EMILIN3: variants seen among roughly 807,000 people sequenced by gnomAD.
The protein encoded by EMILIN3 is EMILIN-3.
In EMILIN3, 38 loss-of-function variants were observed where a neutral mutation model predicts 42.8. The ratio of observed to expected loss-of-function variants is 0.89; its 90% CI spans 0.69 to 1.16. The LOEUF is 1.16. EMILIN3 is among the 50% of genes most tolerant of loss of function. The pLI is 0.00. For synonymous variants in EMILIN3, 430 were observed against 440.5 expected, an observed-to-expected ratio of 0.98 and a Z score of 0.30; for missense variants, 924 against 999.5, an observed-to-expected ratio of 0.92 and a Z score of 1.02.
chr20:41,363,408 T>TG (rs1022207959), intron 3 of EMILIN3, among the ~76,000 whole-genome samples: 86 of 152,364 alleles, frequency 5.6e-4, no homozygotes, highest in African/African-American at 2.0e-3. Context: ...CCCAAAGTGC[T>TG]GGGATTACAG....
intron 1 of EMILIN3, among the ~76,000 whole-genome samples, chr20:41,365,393 G>A (rs1234376088): frequency 1.3e-5 from 2 of 152,158 alleles, no homozygotes; most frequent in Non-Finnish European, 2.9e-5. Flanking sequence ...TTGGAACCAG[G>A]AGCCTGATGT....
In EMILIN3 at chr20:41,362,530, C is replaced by T. The variant is rs752376868; in HGVS notation, c.1039G>A (p.Ala347Thr). 1.4e-5 allele frequency: 23 copies of T among 1,598,304 alleles called. No homozygotes were observed. Among genetic ancestry groups the T allele is most frequent in the Admixed American group, 1.2e-4 (7 of 59,752 alleles). ...VRRQCEEGQA[A>T]SRRLHQSLDG... ...AGGCTCTGGTGCAGCCTCCGGCTGG[C>T]GGCCTGACCCTCCTCACATTGCCGC... Residue 347 changes from alanine to threonine, a missense_variant, in exon 4 of 4, where the codon GCC (alanine) becomes ACC (threonine). Coordinates refer to ENST00000332312, the MANE Select transcript of EMILIN3 (RefSeq NM_052846.2).
intron 2 of EMILIN3, 58 bp from the exon 3 acceptor site, chr20:41,363,919 C>G (rs776652614): frequency 6.4e-7 from 1 of 1,553,464 alleles, no homozygotes; most frequent in South Asian, 1.2e-5. Flanking sequence ...GCTTCTCCCC[C>G]TAGCTGGCAC....
In EMILIN3 at chr20:41,361,704, C is replaced by T. The variant is rs760956636; in HGVS notation, c.1865G>A (p.Arg622Gln). The change falls in exon 4 of 4, where the codon CGG (arginine) becomes CAG (glutamine). Residue 622 changes from arginine to glutamine, a missense_variant. Transcript: ENST00000332312. ...FLAANTSLDERERKVEAEVQA... is the reference protein window; with the variant it reads ...FLAANTSLDEQERKVEAEVQA... The stretch of plus-strand genomic sequence containing the variant: ...GACTTCGGCTTCCACCTTGCGTTCC[C>T]GCTCATCCAGGGACGTGTTGGCAGC... 1.9e-6 allele frequency: 3 copies of T among 1,611,098 alleles called. No individual in the cohort carries two copies. The highest frequency in any genetic ancestry group is 1.7e-6 in the Non-Finnish European group (2 of 1,178,298).
In EMILIN3 at chr20:41,362,722, G is replaced by C. The variant is rs145269555; in HGVS notation, c.847C>G (p.Leu283Val). ...HGLALGHEAHLQRLREAPPSP... is the reference protein window; with the variant it reads ...HGLALGHEAHVQRLREAPPSP... ...GGTGGGGCTTCCCGCAGCCGCTGCA[G>C]GTGGGCCTCATGGCCAAGTGCCAGC... The change falls in exon 4 of 4, where the codon CTG (leucine) becomes GTG (valine). Residue 283 changes from leucine (L) to valine (V), a missense_variant. Physicochemically the swap from Leu to Val is conservative, Grantham distance 32 (BLOSUM62 1). Transcript: ENST00000332312. 20 of 1,613,976 alleles carry C rather than the reference G, an allele frequency of 1.2e-5. No individual in the cohort carries two copies. The African/African-American group carries it at 2.0e-4, about 16-fold the overall frequency.
At position 41,361,313 on chromosome 20, in the gene EMILIN3, G is replaced by A; in HGVS notation, c.2256C>T (p.Cys752=). ...GCACCTGCTCAGCCAGCTGGGCCTGGCAGTCCAGTAGGTCATCCCGGAGGC... is the reference window on the plus strand; with the variant it reads ...GCACCTGCTCAGCCAGCTGGGCCTGACAGTCCAGTAGGTCATCCCGGAGGC... ...IARLRDDLLD[C]QAQLAEQVRP... Residue 752 remains cysteine, a synonymous_variant, in exon 4 of 4, where the codon TGC becomes TGT. Transcript: ENST00000332312. 6.2e-7 allele frequency: 1 copy of A among 1,605,044 alleles called. No individual in the cohort carries two copies. Among genetic ancestry groups the A allele is most frequent in the Non-Finnish European group, 8.5e-7 (1 of 1,173,440 alleles).
At position 41,366,391 on chromosome 20, in the gene EMILIN3, GGGTGCGGGCA is replaced by G; in HGVS notation, c.167+67_167+76del. Reference sequence around the variant, plus strand: ...TGCCCGGGGCCTCGACGCCCCCCGCGGGTGCGGGCAGGTGGGAGCGGCGACGCGCGCGGGC... The same window carrying G: ...TGCCCGGGGCCTCGACGCCCCCCGCGGGTGGGAGCGGCGACGCGCGCGGGC... On this transcript the variant is annotated intron_variant, in intron 1 of 3. Transcript: ENST00000332312. This position sits in a 1 kb window ranked among gnomAD's most constrained non-coding sequence, Gnocchi z 4.2. 9.6e-7 allele frequency: 1 copy of G among 1,041,010 alleles called. No homozygotes were observed. Among genetic ancestry groups the G allele is most frequent in the Non-Finnish European group, 1.2e-6 (1 of 856,102 alleles). The allele number at this position is 1,041,010 out of a possible 1,614,324, so 64.5% of individuals were successfully genotyped here.
At position 41,361,907 on chromosome 20, in the gene EMILIN3, G is replaced by C; in HGVS notation, c.1662C>G (p.His554Gln). 6.2e-7 allele frequency: 1 copy of C among 1,613,314 alleles called. No homozygotes were observed. The highest frequency in any genetic ancestry group is 8.5e-7 in the Non-Finnish European group (1 of 1,180,022). The change falls in exon 4 of 4, where the codon CAC (histidine) becomes CAG (glutamine). Residue 554 changes from histidine to glutamine, a missense_variant. By Grantham distance (24) the His-to-Gln change is conservative (BLOSUM62 0). Transcript: ENST00000332312. ...SEALLRQVAS[H>Q]AALLQQLNGT... is the part of the protein sequence containing the mutation. ...CATTGAGCTGCTGGAGCAGTGCTGC[G>C]TGGCTGGCCACCTGGCGTAGGAGGG... is the stretch of plus-strand genomic sequence containing the variant.
Position 41,366,734 on chromosome 20 carries a change from CCCCGA to C in EMILIN3, c.-105_-101del. The C allele has an allele frequency of 3.7e-6, 3 of 813,944 alleles. No individual in the cohort carries two copies. The highest frequency in any genetic ancestry group is 5.5e-5 in the South Asian group (1 of 18,194). 50.4% of individuals were successfully genotyped at this position (813,944 alleles called of 1,614,324 possible). ...CCGCCGCTGGTCGGCCCGGGTCCCG[CCCCGA>C]GGGTCCCGGGGTCCCCTTCGGCCCC... On this transcript the variant is annotated 5_prime_UTR_variant, in exon 1 of 4. Transcript: ENST00000332312. The surrounding 1 kb of genome is among the most constrained non-coding windows in gnomAD (Gnocchi z 4.2).
At chr20:41,364,217 A>T (rs1434563775) in intron 2 of EMILIN3, among the ~76,000 whole-genome samples, 1 of 152,082 alleles carries the variant, frequency 6.6e-6, no homozygotes, top group Admixed American at 6.5e-5. Context: ...TGGGAGAATC[A>T]GACACAGCCC....
rs1333317838 is a variant in EMILIN3 at position 41,366,455 on chromosome 20, C to G, written c.167+13G>C. On this transcript the variant is annotated intron_variant, in intron 1 of 3. Coordinates refer to ENST00000332312, the MANE Select transcript of EMILIN3 (RefSeq NM_052846.2). The surrounding 1 kb of genome is among the most constrained non-coding windows in gnomAD (Gnocchi z 4.2). ...TCCCTCCCTCTTCCCGCCCGCCGCCCGCCCGCGCTTACTTGTGCGGCCCCG... is the reference window on the plus strand; with the variant it reads ...TCCCTCCCTCTTCCCGCCCGCCGCCGGCCCGCGCTTACTTGTGCGGCCCCG... 1 of 1,122,738 alleles carries G rather than the reference C, an allele frequency of 8.9e-7. No individual in the cohort carries two copies. The highest frequency in any genetic ancestry group is 5.0e-5 in the Admixed American group (1 of 19,948). The allele number at this position is 1,122,738 out of a possible 1,614,324, so 69.5% of individuals were successfully genotyped here. A position where few individuals can be genotyped will look rare whatever the true frequency, so the allele number is the denominator to read the frequency against.
At chr20:41,365,465 AC>A (rs75307208) in intron 1 of EMILIN3, among the ~76,000 whole-genome samples, 47,754 of 151,578 alleles carry the variant, frequency 0.32, 8,588 homozygotes, top group East Asian at 0.59. Flanking sequence ...GCCCTGCCAC[AC>A]CCCCCCATCC....
chr20:41,361,969 C>A lies in EMILIN3; in HGVS notation c.1600G>T (p.Val534Leu). ...CTCTGCCAGGCCTTCACCTCTGCCA[C>A]GAGGCTGTCCAGGATGGCTGAGGTG... ...STTSAILDSL[V>L]AEVKAWQSRS... is the part of the protein sequence containing the mutation. The change falls in exon 4 of 4, where the codon GTG (valine) becomes TTG (leucine). Residue 534 changes from valine to leucine, a missense_variant. Val to Leu is a conservative substitution (Grantham distance 32). Coordinates refer to ENST00000332312, the MANE Select transcript of EMILIN3 (RefSeq NM_052846.2). 1 of 1,612,084 alleles carries A rather than the reference C, an allele frequency of 6.2e-7. No homozygotes were observed. The highest frequency in any genetic ancestry group is 8.5e-7 in the Non-Finnish European group (1 of 1,178,866).
At position 41,363,070 on chromosome 20, in the gene EMILIN3, G is replaced by C. The variant is rs908258251; in HGVS notation, c.515-16C>G. 1.3e-6 allele frequency: 2 copies of C among 1,530,660 alleles called. No homozygotes were observed. Among genetic ancestry groups the C allele is most frequent in the African/African-American group, 2.7e-5 (2 of 72,800 alleles). 94.8% of individuals were successfully genotyped at this position (1,530,660 alleles called of 1,614,324 possible). A position where few individuals can be genotyped will look rare whatever the true frequency, so the allele number is the denominator to read the frequency against. On this transcript the variant is annotated splice_polypyrimidine_tract_variant and intron_variant, in intron 3 of 3. Transcript: ENST00000332312. ...CCTTTCCTTCCTGGGAAAGAGAAGAGAGCCCCAGGGGCATCACTGGCCTCA... is the reference window on the plus strand; with the variant it reads ...CCTTTCCTTCCTGGGAAAGAGAAGACAGCCCCAGGGGCATCACTGGCCTCA...
rs2147035180 is a variant in EMILIN3 at position 41,362,856 on chromosome 20, T to A, written c.713A>T (p.Asp238Val). The A allele has an allele frequency of 6.2e-7, 1 of 1,613,942 alleles. No individual in the cohort carries two copies. Among genetic ancestry groups the A allele is most frequent in the African/African-American group, 1.3e-5 (1 of 75,020 alleles). ...AGGTGTTAGTGGCCCTCTGGCTCTGTCTCCTGGGCCCACAAGCCCCTCAGG... is the reference window on the plus strand; with the variant it reads ...AGGTGTTAGTGGCCCTCTGGCTCTGACTCCTGGGCCCACAAGCCCCTCAGG... ...VIPEGLVGPG[D>V]RARGPLTPPL... is the part of the protein sequence containing the mutation. Residue 238 changes from aspartate (D) to valine (V), a missense_variant, in exon 4 of 4, where the codon GAC becomes GTC. Physicochemically the swap from Asp to Val is radical, Grantham distance 152. Coordinates refer to ENST00000332312, the MANE Select transcript of EMILIN3 (RefSeq NM_052846.2).
rs2046391614 is a variant in EMILIN3 at position 41,366,022 on chromosome 20, G to T, written c.167+446C>A. On this transcript the variant is annotated intron_variant, in intron 1 of 3. Transcript: ENST00000332312. This position sits in a 1 kb window ranked among gnomAD's most constrained non-coding sequence, Gnocchi z 4.2. ...GTTGCTGGGGCCAGGCTGACTGCGA[G>T]AGGGCAGCGGCCGCCCGGATGCGCA... 7.8e-6 allele frequency among the ~76,000 whole-genome samples: 1 copy of T among 129,016 alleles called. No homozygotes were observed. The highest frequency in any genetic ancestry group is 2.7e-5 in the African/African-American group (1 of 37,010). The allele number at this position is 129,016 out of a possible 152,430, so 84.6% of individuals were successfully genotyped here.
In EMILIN3 at chr20:41,366,493, G is replaced by A. The variant is rs1262911234; in HGVS notation, c.142C>T (p.Pro48Ser). The A allele has an allele frequency of 3.0e-5, 34 of 1,150,804 alleles. No homozygotes were observed. The highest frequency in any genetic ancestry group is 7.3e-4 in the Middle Eastern group (2 of 2,746). The allele number at this position is 1,150,804 out of a possible 1,614,324, so 71.3% of individuals were successfully genotyped here. ...RYSLYTTGWR[P>S]RLRPGPHKAL... ...TTGTGCGGCCCCGGGCGCAGCCGCG[G>A]GCGCCATCCCGTCGTGTAGAGACTG... Residue 48 changes from proline (P) to serine (S), a missense_variant, in exon 1 of 4, where the codon CCG becomes TCG. Transcript: ENST00000332312. This position sits in a 1 kb window ranked among gnomAD's most constrained non-coding sequence, Gnocchi z 4.2.
At position 41,366,512 on chromosome 20, in the gene EMILIN3, G is replaced by C. The variant is rs987491369; in HGVS notation, c.123C>G (p.Leu41=). ...PAPPGASRYS[L]YTTGWRPRLR... ...GCCGCGGGCGCCATCCCGTCGTGTA[G>C]AGACTGTAGCGGGAGGCACCGGGCG... Residue 41 remains leucine, a synonymous_variant, in exon 1 of 4, where the codon CTC becomes CTG. Coordinates refer to ENST00000332312, the MANE Select transcript of EMILIN3 (RefSeq NM_052846.2). The surrounding 1 kb of genome is among the most constrained non-coding windows in gnomAD (Gnocchi z 4.2). 73 of 1,165,268 alleles carry C rather than the reference G, an allele frequency of 6.3e-5. No individual in the cohort carries two copies. In the African/African-American group the frequency reaches 1.1e-3, roughly 18 times the overall value. 72.2% of individuals were successfully genotyped at this position (1,165,268 alleles called of 1,614,324 possible).
intron 3 of EMILIN3, among the ~76,000 whole-genome samples, chr20:41,363,433 G>T (rs1018754961): frequency 6.6e-6 from 1 of 152,314 alleles, no homozygotes; most frequent in East Asian, 1.9e-4. Context: ...GAGCCACCGC[G>T]CCCAGCCCAG....
Sources: gnomAD v4.1 joint callset for allele counts (sites outside exome capture counted in the v4.1 genomes callset) on GRCh38, gnomAD v4.1.1 for gene constraint, Gnocchi (gnomAD v3.1) non-coding constraint, MANE v1.5 for transcripts, NCBI Gene and HGNC (gene_info 2026-07-23, HGNC 2026-07-21) for gene names.